The following C11orf91 variants were observed in gnomAD, a reference collection of about 807,000 sequenced individuals.
The protein encoded by C11orf91 is uncharacterized protein C11orf91.
Under a neutral mutation model 14.3 loss-of-function variants are expected in C11orf91, and 10 were observed. The observed-to-expected ratio is 0.70, with a 90% confidence interval of 0.43 to 1.18. The LOEUF is 1.18. Among genes scored for constraint, C11orf91 ranks in the 50% most tolerant of loss-of-function variants. The pLI is 0.00. For synonymous variants in C11orf91, 141 were observed against 130.6 expected (o/e 1.08, Z -0.54); for missense variants, 236 against 269.0 (o/e 0.88, Z 0.86).
chr11:33,700,850 G>A, upstream of C11orf91: 3 of 1,078,458 alleles, frequency 2.8e-6, no homozygotes, highest in Non-Finnish European at 3.5e-6. Flanking sequence ...ATGGAGCGCG[G>A]CCCCACCCTT....
chr11:33,700,427 G>A lies in C11orf91; in HGVS notation c.314C>T (p.Pro105Leu). ...PSGLASIPYE[P>L]LRFFYSPPPG... ...CGGCGGTGAGTAGAAGAAGCGCAGA[G>A]GCTCGTAGGGGATGGAGGCCAGGCC... is the stretch of plus-strand genomic sequence containing the variant. Residue 105 changes from proline to leucine, a missense_variant, in exon 1 of 2, where the codon CCT (proline) becomes CTT (leucine). Coordinates refer to ENST00000379011, the MANE Select transcript of C11orf91 (RefSeq NM_001166692.2). 1 of 1,515,584 alleles carries A rather than the reference G, an allele frequency of 6.6e-7. No homozygotes were observed. Among genetic ancestry groups the A allele is most frequent in the African/African-American group, 1.4e-5 (1 of 72,330 alleles). 93.9% of individuals were successfully genotyped at this position (1,515,584 alleles called of 1,614,324 possible).
intron 1 of C11orf91, chr11:33,699,765 G>A (rs918199754): frequency 1.3e-5 from 5 of 390,260 alleles, no homozygotes; most frequent in Non-Finnish European, 2.1e-5. Context: ...TGGGCCTTGT[G>A]GTTCTTGCAC....
At chr11:33,701,029 T>G (rs1853117568), upstream of C11orf91, among the ~76,000 whole-genome samples, 1 of 152,220 alleles carries the variant, frequency 6.6e-6, no homozygotes, top group Non-Finnish European at 1.5e-5. Context: ...GCCTCGCTCT[T>G]GCTCTGCGAC....
rs751565270 is a variant in C11orf91 at position 33,698,430 on chromosome 11, C to T, written c.581G>A (p.Ter194=). The T allele has an allele frequency of 6.5e-7, 1 of 1,535,206 alleles. No homozygotes were observed. Among genetic ancestry groups the T allele is most frequent in the South Asian group, 1.2e-5 (1 of 84,018 alleles). Residue 194 remains the stop codon, a stop_retained_variant, in exon 2 of 2, where the codon TGA becomes TAA. Transcript: ENST00000379011. ...QPGKKSASLS[*] is the part of the protein sequence containing the mutation. ...GCCCAAGCTCTGGTAGGCAGCTCCT[C>T]AGGAGAGAGAGGCCGACTTCTTTCC...
chr11:33,706,395 T>C, the C11orf91 span: 1 of 152,168 alleles, frequency 6.6e-6, no homozygotes, highest in East Asian at 1.9e-4. Flanking sequence ...AAATGCATTG[T>C]GATTCACTGT....
At chr11:33,699,561 T>C (rs1383708149) in intron 1 of C11orf91, 2 of 456,310 alleles carry the variant, frequency 4.4e-6, no homozygotes, top group Non-Finnish European at 8.8e-6. Flanking sequence ...GGAGGAGTCA[T>C]TCAGCTCGTA....
chr11:33,706,159 G>A, the C11orf91 span: 15,114 of 152,004 alleles, frequency 0.099, 992 homozygotes, highest in East Asian at 0.21. Flanking sequence ...TGCTGAAAAA[G>A]AGAAAATGTC....
Position 33,700,276 on chromosome 11 carries a change from G to A in C11orf91, c.465C>T (p.Thr155=). 1 of 1,534,720 alleles carries A rather than the reference G, an allele frequency of 6.5e-7. No individual in the cohort carries two copies. Among genetic ancestry groups the A allele is most frequent in the Non-Finnish European group, 8.7e-7 (1 of 1,146,290 alleles). Residue 155 remains threonine, a synonymous_variant, in exon 1 of 2, where the codon ACC becomes ACT. Coordinates refer to ENST00000379011, the MANE Select transcript of C11orf91 (RefSeq NM_001166692.2). Reference sequence around the variant, plus strand: ...GGGAGTCGAAGCCGTCCCCAGTGATGGTGAGCAACTCCAGCTCCTTAATCC... The same window carrying A: ...GGGAGTCGAAGCCGTCCCCAGTGATAGTGAGCAACTCCAGCTCCTTAATCC... ...EIRIKELELL[T]ITGDGFDSQS... is the part of the protein sequence containing the mutation.
Position 33,700,643 on chromosome 11 carries a change from G to C in C11orf91, c.98C>G (p.Ser33Trp), listed in dbSNP as rs930289271. Residue 33 changes from serine (S) to tryptophan (W), a missense_variant, in exon 1 of 2, where the codon TCG becomes TGG. Ser to Trp is a radical substitution (Grantham distance 177, BLOSUM62 -3). Coordinates refer to ENST00000379011, the MANE Select transcript of C11orf91 (RefSeq NM_001166692.2). ...GATGTTGAAGTCGCTGAGCGGGGAC[G>C]AGGAGATGCCGCGGTCGTACAGGGA... The part of the protein sequence containing the change: ...FPSLYDRGIS[S>W]SPLSDFNIWK... 11 of 1,472,832 alleles carry C rather than the reference G, an allele frequency of 7.5e-6. No individual in the cohort carries two copies. The highest frequency in any genetic ancestry group is 9.9e-6 in the Non-Finnish European group (11 of 1,116,294). 91.2% of individuals were successfully genotyped at this position (1,472,832 alleles called of 1,614,324 possible). A position where few individuals can be genotyped will look rare whatever the true frequency, so the allele number is the denominator to read the frequency against.
rs1853063450 is a variant in C11orf91 at position 33,698,527 on chromosome 11, A to AAAAC, written c.497-17_497-14dup. On this transcript the variant is annotated splice_polypyrimidine_tract_variant and intron_variant, in intron 1 of 1. Transcript: ENST00000379011. ...TTCAGGAATGTGTCTGCAGGAGAGC[A>AAAAC]AAACAAACTTAGCCGTAATAGAGAT... 1 of 1,529,306 alleles carries AAAAC rather than the reference A, an allele frequency of 6.5e-7. No individual in the cohort carries two copies. The highest frequency in any genetic ancestry group is 1.4e-5 in the African/African-American group (1 of 72,908). The allele number at this position is 1,529,306 out of a possible 1,614,324, so 94.7% of individuals were successfully genotyped here.
chr11:33,705,522 C>T (rs570990146), upstream of C11orf91: 1 of 152,386 alleles, frequency 6.6e-6, no homozygotes, highest in East Asian at 1.9e-4. Context: ...CCAGGTTCTT[C>T]AGCCTTTGGA....
At chr11:33,698,614 T>C in intron 1 of C11orf91, 100 bp from the exon 2 acceptor site, 1 of 787,262 alleles carries the variant, frequency 1.3e-6, no homozygotes, top group Admixed American at 2.5e-5. Context: ...TCCTCGACCC[T>C]AAAACTCCAT....
chr11:33,700,785 C>A lies in C11orf91; in HGVS notation c.-45G>T. On this transcript the variant is annotated 5_prime_UTR_variant, in exon 1 of 2. Transcript: ENST00000379011. ...GTGGGAGGAACCCCGCGCCGGGAGA[C>A]GCGCGCTCAGGCCCCGAGTCGCCGG... The A allele has an allele frequency of 7.9e-7, 1 of 1,263,266 alleles. No individual in the cohort carries two copies. Among genetic ancestry groups the A allele is most frequent in the East Asian group, 3.1e-5 (1 of 31,746 alleles). The allele number at this position is 1,263,266 out of a possible 1,614,324, so 78.3% of individuals were successfully genotyped here.
upstream of C11orf91, chr11:33,704,682 T>C (rs114518661): frequency 3.8e-4 from 58 of 152,386 alleles, no homozygotes; most frequent in African/African-American, 1.4e-3. Context: ...GGTCGCCGAT[T>C]AGCATCAGAG....
chr11:33,698,774 ATTT>A (rs55712821), intron 1 of C11orf91, among the ~76,000 whole-genome samples: 5,561 of 104,428 alleles, frequency 0.053, 142 homozygotes, highest in East Asian at 0.2. Context: ...TCTTCTTCTA[ATTT>A]TTTTTTTTTT....
At chr11:33,698,774 A>ATTTTTT (rs55712821) in intron 1 of C11orf91, among the ~76,000 whole-genome samples, 15 of 104,596 alleles carry the variant, frequency 1.4e-4, no homozygotes, top group African/African-American at 2.0e-4. Flanking sequence ...TCTTCTTCTA[A>ATTTTTT]TTTTTTTTTT....
chr11:33,699,077 A>G lies in C11orf91; in HGVS notation c.497-563T>C, dbSNP rs191009425. Among the ~76,000 whole-genome samples, 1,326 of 152,176 alleles carry G rather than the reference A, an allele frequency of 8.7e-3. 8 individuals carry two copies. Among genetic ancestry groups the G allele is most frequent in the Admixed American group, 0.013 (206 of 15,296 alleles). On this transcript the variant is annotated intron_variant, in intron 1 of 1. Coordinates refer to ENST00000379011, the MANE Select transcript of C11orf91 (RefSeq NM_001166692.2). ...GGCCCCCCCAAAGTGCTGAGATTAC[A>G]AGTGCCAGCCACCACACCCGGCCCC...
In C11orf91 at chr11:33,698,359, A is replaced by G; in HGVS notation, c.*70T>C. The G allele has an allele frequency of 2.2e-6, 2 of 910,096 alleles. No individual in the cohort carries two copies. Among genetic ancestry groups the G allele is most frequent in the Non-Finnish European group, 3.5e-6 (2 of 579,486 alleles). 56.4% of individuals were successfully genotyped at this position (910,096 alleles called of 1,614,324 possible). A position where few individuals can be genotyped will look rare whatever the true frequency, so the allele number is the denominator to read the frequency against. On this transcript the variant is annotated 3_prime_UTR_variant, in exon 2 of 2. Coordinates refer to ENST00000379011, the MANE Select transcript of C11orf91 (RefSeq NM_001166692.2). The stretch of plus-strand genomic sequence containing the variant: ...GAAAATAACCATCTTTGAAATGACA[A>G]CAAATGGGACACATTATCTAAGCAC...
upstream of C11orf91, among the ~76,000 whole-genome samples, chr11:33,702,093 T>G (rs1398177119): frequency 6.7e-6 from 1 of 148,608 alleles, no homozygotes; most frequent in African/African-American, 2.5e-5. Flanking sequence ...CACCCATCAT[T>G]GTTTATTCAT....
Sources: gnomAD v4.1 joint callset for allele counts (sites outside exome capture counted in the v4.1 genomes callset) on GRCh38, gnomAD v4.1.1 for gene constraint, MANE v1.5 for transcripts, NCBI Gene and HGNC (gene_info 2026-07-23, HGNC 2026-07-21) for gene names.